The following PDE8A variants were observed in gnomAD, a reference collection of about 807,000 sequenced individuals.
PDE8A encodes phosphodiesterase 8A.
PDE8A carries 59 observed loss-of-function variants against 105.0 expected under a neutral mutation model. The observed-to-expected ratio is 0.56, with a 90% CI of 0.46 to 0.70. PDE8A has a LOEUF of 0.70. Ranked by LOEUF, PDE8A falls within the 30% of genes least tolerant of loss-of-function variation. The pLI is 0.00. For synonymous variants in PDE8A, 355 were observed against 371.9 expected (o/e 0.95, Z 0.52); for missense variants, 1,014 against 1,045.9 (o/e 0.97, Z 0.42).
chr15:85,085,745 C>T (rs12912264), intron 6 of PDE8A, among the ~76,000 whole-genome samples: 21,035 of 150,412 alleles, frequency 0.14, 1,888 homozygotes, highest in Middle Eastern at 0.24. Context: ...GGGTGGCTCA[C>T]GCCTGTAATC....
At chr15:85,006,032 A>G (rs2080141476) in intron 1 of PDE8A, among the ~76,000 whole-genome samples, 1 of 152,036 alleles carries the variant, frequency 6.6e-6, no homozygotes, top group Non-Finnish European at 1.5e-5. Flanking sequence ...AAAAATGGCA[A>G]ATGACTCAGG....
rs1272459985 is a variant in PDE8A, at chr15:84,982,048, CCGCCCGCCCAGGCGGCGATGACACGG to C, written c.-107_-82del. The C allele has an allele frequency of 2.5e-5, 13 of 521,854 alleles. No homozygotes were observed. The highest frequency in any genetic ancestry group is 4.1e-5 in the African/African-American group (2 of 49,364). 32.3% of individuals were successfully genotyped at this position (521,854 alleles called of 1,614,324 possible). A position where few individuals can be genotyped will look rare whatever the true frequency, so the allele number is the denominator to read the frequency against. On this transcript the variant is annotated 5_prime_UTR_variant, in exon 1 of 22. The change abolishes an upstream ATG in the 5' untranslated region. Coordinates refer to ENST00000394553, the MANE Select transcript of PDE8A (RefSeq NM_002605.3). ...CCTGACGCGAGATCCGCGCTCGCCG[CCGCCCGCCCAGGCGGCGATGACACGG>C]CGCCCGCGGCGGCCCGGAGGCGCCG...
chr15:85,080,980 G>A (rs1044757233), intron 5 of PDE8A, among the ~76,000 whole-genome samples: 3 of 152,132 alleles, frequency 2.0e-5, no homozygotes, highest in East Asian at 1.9e-4. Flanking sequence ...GAATTCATGC[G>A]GTCAACCAGT....
intron 11 of PDE8A, among the ~76,000 whole-genome samples, chr15:85,107,574 T>A (rs1386424147): frequency 1.3e-5 from 2 of 152,148 alleles, no homozygotes; most frequent in African/African-American, 4.8e-5. Flanking sequence ...TCCTTAGATT[T>A]GGCTGACCCA....
chr15:85,104,562 T>C (rs995236093), intron 11 of PDE8A, among the ~76,000 whole-genome samples: 1 of 151,924 alleles, frequency 6.6e-6, no homozygotes, highest in African/African-American at 2.4e-5. Context: ...CAGGAGTTAC[T>C]TAAGTATAAT....
At chr15:85,136,720 T>C (rs1355049278) in intron 21 of PDE8A, 57 bp downstream of exon 21, 3 of 1,536,688 alleles carry the variant, frequency 2.0e-6, no homozygotes, top group Non-Finnish European at 2.7e-6. Flanking sequence ...GAACCGCGTA[T>C]GAAAGAGCAG....
rs1006079075 is a variant in PDE8A, at chr15:85,136,650, T to G, written c.2370T>G (p.Phe790Leu). The change falls in exon 21 of 22, where the codon TTT becomes TTG. Residue 790 changes from phenylalanine (F) to leucine (L), a missense_variant. Phe to Leu is a conservative substitution (Grantham distance 22, BLOSUM62 0). Transcript: ENST00000394553. ...TTGATTACTTCATCACAGACATGTT[T>G]GATGCTTGGGATGGTAAGAAATCTT... The part of the protein sequence containing the change: ...SFIDYFITDM[F>L]DAWDAFVDLP... The G allele has an allele frequency of 1.2e-6, 2 of 1,613,606 alleles. No individual in the cohort carries two copies. The highest frequency in any genetic ancestry group is 1.3e-5 in the African/African-American group (1 of 74,946).
In PDE8A at chr15:85,039,943, G is replaced by A. The variant is rs554692641; in HGVS notation, c.187-24427G>A. ...TTACCAGAGGCTGGAGGGTAGGGGAGTGGTAGATGGGAAAAGAGGATACAC... is the reference window on the plus strand; with the variant it reads ...TTACCAGAGGCTGGAGGGTAGGGGAATGGTAGATGGGAAAAGAGGATACAC... On this transcript the variant is annotated intron_variant, in intron 1 of 21. Coordinates refer to ENST00000394553, the MANE Select transcript of PDE8A (RefSeq NM_002605.3). Among the ~76,000 whole-genome samples, 40 of 152,264 alleles carry A rather than the reference G, an allele frequency of 2.6e-4. No homozygotes were observed. In the South Asian group the frequency reaches 8.1e-3, roughly 31 times the overall value.
intron 1 of PDE8A, among the ~76,000 whole-genome samples, chr15:85,054,903 A>G (rs1192876366): frequency 6.6e-6 from 1 of 152,088 alleles, no homozygotes; most frequent in Non-Finnish European, 1.5e-5. Context: ...TTGTGATGTT[A>G]GGGTGTCAGT....
chr15:85,065,345 G>C (rs997465285), intron 2 of PDE8A, among the ~76,000 whole-genome samples: 1 of 109,792 alleles, frequency 9.1e-6, no homozygotes, highest in South Asian at 3.8e-4. Context: ...GGAGGGGGGA[G>C]GGGGGAGGGA....
intron 1 of PDE8A, among the ~76,000 whole-genome samples, chr15:85,043,302 T>A (rs1050604209): frequency 1.3e-5 from 2 of 152,184 alleles, no homozygotes; most frequent in African/African-American, 4.8e-5. Context: ...CCCTGCTCCC[T>A]GGGGCAGCCT....
chr15:85,076,607 A>G (rs1189415603), intron 4 of PDE8A, 126 bp from the exon 5 acceptor site: 1 of 666,086 alleles, frequency 1.5e-6, no homozygotes, highest in Non-Finnish European at 2.7e-6. Context: ...TTAAATTTGT[A>G]TATTAATCTG....
At chr15:85,056,743 A>G (rs562735966) in intron 1 of PDE8A, among the ~76,000 whole-genome samples, 86 of 152,320 alleles carry the variant, frequency 5.6e-4, no homozygotes, top group Non-Finnish European at 1.0e-4. Context: ...GCTTCTTTGC[A>G]GTGGGTTCAG....
chr15:85,090,807 C>A (rs1567277752), intron 7 of PDE8A: 1 of 573,750 alleles, frequency 1.7e-6, no homozygotes, highest in East Asian at 3.8e-5. Flanking sequence ...CCTCCTGGAG[C>A]CTCAGGAGAA....
chr15:85,045,711 C>T (rs936274609), intron 1 of PDE8A, among the ~76,000 whole-genome samples: 1 of 152,180 alleles, frequency 6.6e-6, no homozygotes, highest in Non-Finnish European at 1.5e-5. Context: ...ACTTGTCTTA[C>T]AGTAATAGGT....
chr15:85,013,354 T>C (rs2080271755), intron 1 of PDE8A, among the ~76,000 whole-genome samples: 1 of 152,154 alleles, frequency 6.6e-6, no homozygotes, highest in African/African-American at 2.4e-5. Context: ...GCATCACTTT[T>C]CTTATCTGCA....
At chr15:85,117,485 G>T (rs994989) in intron 16 of PDE8A, among the ~76,000 whole-genome samples, 156 bp from the exon 17 acceptor site, 1 of 152,016 alleles carries the variant, frequency 6.6e-6, no homozygotes, top group East Asian at 1.9e-4. Context: ...AACCAGAGTT[G>T]GTTGGCCCCA....
chr15:85,055,706 C>G (rs562094359), intron 1 of PDE8A, among the ~76,000 whole-genome samples: 1 of 152,282 alleles, frequency 6.6e-6, no homozygotes, highest in East Asian at 1.9e-4. Flanking sequence ...GTGTGTGTCT[C>G]TGCATGTGAG....
intron 11 of PDE8A, among the ~76,000 whole-genome samples, chr15:85,101,689 A>G (rs578127989): frequency 6.6e-6 from 1 of 152,214 alleles, no homozygotes; most frequent in African/African-American, 2.4e-5. Flanking sequence ...CAGCATTGCC[A>G]TGGTCGAGAG....
Sources: allele counts gnomAD v4.1 joint callset (sites outside exome capture counted in the v4.1 genomes callset), GRCh38; gene constraint gnomAD v4.1.1; transcripts MANE v1.5; gene names NCBI Gene and HGNC (gene_info 2026-07-23, HGNC 2026-07-21).